Variants in MARS1 observed in about 807,000 individuals in gnomAD.
The protein encoded by MARS1 is methionine--tRNA ligase, cytoplasmic.
MARS1 carries 80 observed loss-of-function variants against 119.5 expected under a neutral mutation model. The ratio of observed to expected loss-of-function variants is 0.67; its 90% CI spans 0.56 to 0.81. MARS1 has a LOEUF of 0.81. Ranked by LOEUF, MARS1 falls within the 30% of genes least tolerant of loss-of-function variation. MARS1 has a pLI of 0.00. For synonymous variants in MARS1, 418 were observed against 433.4 expected (o/e 0.96, Z 0.44); for missense variants, 945 against 1,116.5 (o/e 0.85, Z 2.19).
intron 12 of MARS1, 38 bp downstream of exon 12, chr12:57,511,906 T>C: frequency 1.9e-6 from 3 of 1,610,412 alleles, no homozygotes; most frequent in Non-Finnish European, 2.5e-6. Context: ...TCAGCCTTAG[T>C]GTTGAAACCC....
chr12:57,516,149 C>A, intron 19 of MARS1, 96 bp from the exon 20 acceptor site: 1 of 1,375,628 alleles, frequency 7.3e-7, no homozygotes, highest in Non-Finnish European at 1.0e-6. Context: ...AAGAGACCTT[C>A]GACTTAAAGG....
chr12:57,493,196 G>A (rs2140004042), intron 7 of MARS1, among the ~76,000 whole-genome samples: 1 of 145,488 alleles, frequency 6.9e-6, no homozygotes, highest in Non-Finnish European at 1.5e-5. Context: ...TCTTTTATGG[G>A]GCTCAGTTGC....
Position 57,512,013 on chromosome 12 carries a change from C to G in MARS1, c.1545C>G (p.Phe515Leu), listed in dbSNP as rs1385260477. ...VPLEGFEDKV[F>L]YVWFDATIGY... ...TACCTCCTTCTGACCTCCAGGTATT[C>G]TATGTCTGGTTTGATGCCACTATTG... The change falls in exon 13 of 21, where the codon TTC becomes TTG. Residue 515 changes from phenylalanine to leucine, a missense_variant. Physicochemically the swap from Phe to Leu is conservative, Grantham distance 22. Coordinates refer to ENST00000262027, the MANE Select transcript of MARS1 (RefSeq NM_004990.4). 6.2e-7 allele frequency: 1 copy of G among 1,613,802 alleles called. No homozygotes were observed. The highest frequency in any genetic ancestry group is 1.3e-5 in the African/African-American group (1 of 75,032).
intron 10 of MARS1, among the ~76,000 whole-genome samples, chr12:57,503,543 CTT>C (rs1421013439): frequency 6.7e-6 from 1 of 149,164 alleles, no homozygotes; most frequent in Non-Finnish European, 1.5e-5. Context: ...ACATTTGTGT[CTT>C]TTTCCTTTTT....
rs1259239065 is a variant in MARS1 at position 57,493,423 on chromosome 12, G to T, written c.770+2779G>T. On this transcript the variant is annotated intron_variant, in intron 7 of 20. Coordinates refer to ENST00000262027, the MANE Select transcript of MARS1 (RefSeq NM_004990.4). ...ATATATGTTATATAATATATTATAT[G>T]ATATGTATAATATATTACATAATAT... Among the ~76,000 whole-genome samples the T allele has an allele frequency of 1.6e-3, 8 of 5,114 alleles. 3 individuals are homozygous for T. The highest frequency in any genetic ancestry group is 4.4e-3 in the Non-Finnish European group (8 of 1,836). The allele number at this position is 5,114 out of a possible 152,430, so 3.4% of individuals were successfully genotyped here. A position where few individuals can be genotyped will look rare whatever the true frequency, so the allele number is the denominator to read the frequency against.
intron 11 of MARS1, among the ~76,000 whole-genome samples, chr12:57,508,550 ACTC>A (rs1565648860): frequency 6.6e-6 from 1 of 152,260 alleles, no homozygotes; most frequent in African/African-American, 2.4e-5. Context: ...AATCGCAGGC[ACTC>A]GGCAGGCTGA....
Position 57,490,882 on chromosome 12 carries a change from T to A in MARS1, c.770+238T>A, listed in dbSNP as rs566887461. Among the ~76,000 whole-genome samples, 52 of 148,128 alleles carry A rather than the reference T, an allele frequency of 3.5e-4. 1 individual carries two copies. The highest frequency in any genetic ancestry group is 1.2e-3 in the African/African-American group (49 of 40,448). ...ATGTTTTTCTTGTCTATCCTTTTTT[T>A]TTTTTTTTTTTGAGGCGGAGTTTCG... On this transcript the variant is annotated intron_variant, in intron 7 of 20. Transcript: ENST00000262027.
At chr12:57,505,429 A>C (rs998325183) in intron 11 of MARS1, among the ~76,000 whole-genome samples, 10 of 151,588 alleles carry the variant, frequency 6.6e-5, no homozygotes, top group African/African-American at 2.4e-4. Flanking sequence ...CCCAGTGTGC[A>C]GGGATTACAG....
At position 57,512,945 on chromosome 12, in the gene MARS1, C is replaced by G; in HGVS notation, c.1948C>G (p.Leu650Val). 1 of 1,614,204 alleles carries G rather than the reference C, an allele frequency of 6.2e-7. No individual in the cohort carries two copies. Residue 650 changes from leucine (L) to valine (V), a missense_variant, in exon 15 of 21, where the codon CTG (leucine) becomes GTG (valine). Coordinates refer to ENST00000262027, the MANE Select transcript of MARS1 (RefSeq NM_004990.4). ...GAATAATTCTGAGCTGCTTAACAAC[C>G]TGGGCAACTTCATCAACAGGTAGGA... ...LKNNSELLNN[L>V]GNFINRAGMF...
In MARS1 at chr12:57,515,074, G is replaced by C. The variant is rs1432395863; in HGVS notation, c.2204+16G>C. ...AGGCTGACAGGTAGGTAAGCGGGGAGGGTTGGCTAAAGGCATAAAGTGGCT... is the reference window on the plus strand; with the variant it reads ...AGGCTGACAGGTAGGTAAGCGGGGACGGTTGGCTAAAGGCATAAAGTGGCT... On this transcript the variant is annotated intron_variant, in intron 17 of 20. Coordinates refer to ENST00000262027, the MANE Select transcript of MARS1 (RefSeq NM_004990.4). 1.2e-6 allele frequency: 2 copies of C among 1,614,158 alleles called. No homozygotes were observed. Among genetic ancestry groups the C allele is most frequent in the South Asian group, 2.2e-5 (2 of 91,078 alleles).
intron 11 of MARS1, among the ~76,000 whole-genome samples, chr12:57,510,521 A>C (rs1482863118): frequency 6.6e-6 from 1 of 151,968 alleles, no homozygotes; most frequent in Admixed American, 6.6e-5. Flanking sequence ...CTGTAATCCC[A>C]ATGCTTTGGG....
chr12:57,490,781 T>A, intron 7 of MARS1, 137 bp downstream of exon 7: 8 of 109,156 alleles, frequency 7.3e-5, no homozygotes, highest in South Asian at 2.4e-4. Flanking sequence ...CTTACATCTC[T>A]TTTTTTTTTT....
In MARS1 at chr12:57,493,435, ATATTACATAATATATAATATAT is replaced by A; in HGVS notation, c.770+2795_770+2816del. On this transcript the variant is annotated intron_variant, in intron 7 of 20. Coordinates refer to ENST00000262027, the MANE Select transcript of MARS1 (RefSeq NM_004990.4). ...TAATATATTATATGATATGTATAAT[ATATTACATAATATATAATATAT>A]TATAATATATAATATATAATATATA... Among the ~76,000 whole-genome samples the A allele has an allele frequency of 1.2e-3, 3 of 2,446 alleles. 1 individual carries two copies. The highest frequency in any genetic ancestry group is 0.17 in the South Asian group (1 of 6). 1.6% of individuals were successfully genotyped at this position (2,446 alleles called of 152,430 possible). A position where few individuals can be genotyped will look rare whatever the true frequency, so the allele number is the denominator to read the frequency against.
At chr12:57,509,257 A>G (rs1338306726) in intron 11 of MARS1, among the ~76,000 whole-genome samples, 1 of 152,216 alleles carries the variant, frequency 6.6e-6, no homozygotes, top group Non-Finnish European at 1.5e-5. Flanking sequence ...CATCTGGTTC[A>G]GCCTTGAAAT....
In MARS1 at chr12:57,489,566, G is replaced by A. The variant is rs371003913; in HGVS notation, c.414+8G>A. ...TGTCCTTTCCTGGCTGGGGTGAGTT[G>A]GGTCTTGAGATGAGGACTGGGGAAG... is the stretch of plus-strand genomic sequence containing the variant. On this transcript the variant is annotated splice_region_variant and intron_variant, in intron 4 of 20. Transcript: ENST00000262027. 68 of 1,613,910 alleles carry A rather than the reference G, an allele frequency of 4.2e-5. No homozygotes were observed. Among genetic ancestry groups the A allele is most frequent in the Non-Finnish European group, 5.5e-5 (65 of 1,180,028 alleles).
At chr12:57,503,150 C>T (rs1414539545) in intron 10 of MARS1, among the ~76,000 whole-genome samples, 1 of 152,162 alleles carries the variant, frequency 6.6e-6, no homozygotes, top group East Asian at 1.9e-4. Context: ...ACTGTTCACT[C>T]CATTAGCCAT....
At position 57,512,908 on chromosome 12, in the gene MARS1, C is replaced by T. The variant is rs1208670823; in HGVS notation, c.1911C>T (p.Asp637=). ...EGQDSAFSWT[D]LLLKNNSELL... ...AGGACAGTGCTTTCTCCTGGACGGACCTGCTGCTGAAGAATAATTCTGAGC... is the reference window on the plus strand; with the variant it reads ...AGGACAGTGCTTTCTCCTGGACGGATCTGCTGCTGAAGAATAATTCTGAGC... Residue 637 remains aspartate (D), a synonymous_variant, in exon 15 of 21, where the codon GAC becomes GAT. Coordinates refer to ENST00000262027, the MANE Select transcript of MARS1 (RefSeq NM_004990.4). 5 of 1,614,202 alleles carry T rather than the reference C, an allele frequency of 3.1e-6. No individual in the cohort carries two copies. The highest frequency in any genetic ancestry group is 4.2e-6 in the Non-Finnish European group (5 of 1,180,032).
At chr12:57,488,823 T>A in intron 1 of MARS1, 196 bp from the exon 2 acceptor site, 1 of 785,286 alleles carries the variant, frequency 1.3e-6, no homozygotes, top group Non-Finnish European at 2.1e-6. Flanking sequence ...GCTGGCAGTT[T>A]CAGCTGAACA....
intron 7 of MARS1, 136 bp downstream of exon 7, chr12:57,490,780 C>CTTT (rs35674919): frequency 1.5e-3 from 390 of 255,058 alleles, no homozygotes; most frequent in African/African-American, 3.4e-3. Context: ...TCTTACATCT[C>CTTT]TTTTTTTTTT....
Sources: gnomAD v4.1 joint callset for allele counts (sites outside exome capture counted in the v4.1 genomes callset) on GRCh38, gnomAD v4.1.1 for gene constraint, MANE v1.5 for transcripts, NCBI Gene and HGNC (gene_info 2026-07-23, HGNC 2026-07-21) for gene names.